The following ADAMTS17 variants were observed in gnomAD, a reference collection of about 807,000 sequenced individuals.
ADAMTS17 encodes A disintegrin and metalloproteinase with thrombospondin motifs 17.
ADAMTS17 carries 113 observed loss-of-function variants against 141.5 expected under a neutral mutation model. The observed-to-expected ratio is 0.80, with a 90% CI of 0.69 to 0.93. ADAMTS17 has a LOEUF of 0.93. Among genes scored for constraint, ADAMTS17 ranks in the 40% least tolerant of loss-of-function variants. ADAMTS17 has a pLI of 0.00. For missense variants in ADAMTS17, 1,659 were observed against 1,517.9 expected (o/e 1.09, Z -1.54); for synonymous variants, 768 against 630.6 (o/e 1.22, Z -3.27).
intron 7 of ADAMTS17, among the ~76,000 whole-genome samples, chr15:100,220,180 T>A (rs1330210732): frequency 6.6e-6 from 1 of 152,106 alleles, no homozygotes; most frequent in Non-Finnish European, 1.5e-5. Flanking sequence ...ACAGCAGACA[T>A]GTCGATGTCA....
At chr15:100,037,868 C>T (rs191221507) in intron 18 of ADAMTS17, among the ~76,000 whole-genome samples, 1 of 152,170 alleles carries the variant, frequency 6.6e-6, no homozygotes, top group African/African-American at 2.4e-5. Flanking sequence ...GCAGCCTCGA[C>T]CTCCCATTTC....
rs572976492 is a variant in ADAMTS17, at chr15:100,304,997, T to C, written c.617-23596A>G. On this transcript the variant is annotated intron_variant, in intron 3 of 21. Coordinates refer to ENST00000268070, the MANE Select transcript of ADAMTS17 (RefSeq NM_139057.4). ...TCTCTAGCTTACTATATTGAAAGAA[T>C]ACAGTATACAATACCCATTGTTTAT... Among the ~76,000 whole-genome samples the C allele has an allele frequency of 3.3e-5, 5 of 152,358 alleles. No homozygotes were observed. The East Asian group carries it at 9.6e-4, about 29-fold the overall frequency.
intron 18 of ADAMTS17, among the ~76,000 whole-genome samples, chr15:100,010,087 C>T (rs944687920): frequency 1.2e-4 from 19 of 152,332 alleles, no homozygotes; most frequent in African/African-American, 4.1e-4. Context: ...GGCAGTTCCC[C>T]GGCACATGCC....
chr15:100,077,281 C>CAAA (rs1491479490), intron 15 of ADAMTS17, among the ~76,000 whole-genome samples: 1 of 12,724 alleles, frequency 7.9e-5, no homozygotes, highest in African/African-American at 2.9e-4. Context: ...CTATCTCTAC[C>CAAA]ACAAAAAAAA....
intron 15 of ADAMTS17, among the ~76,000 whole-genome samples, chr15:100,087,371 A>G (rs1380871312): frequency 6.6e-6 from 1 of 152,238 alleles, no homozygotes; most frequent in African/African-American, 2.4e-5. Flanking sequence ...AAAAATGTCC[A>G]GGACCAGATG....
chr15:100,245,802 C>T (rs1384803297), intron 7 of ADAMTS17, among the ~76,000 whole-genome samples: 2 of 152,184 alleles, frequency 1.3e-5, no homozygotes, highest in African/African-American at 4.8e-5. Context: ...GATGGAGCCT[C>T]GCCAGGCCTT....
At chr15:100,332,542 C>G (rs12324075) in intron 2 of ADAMTS17, among the ~76,000 whole-genome samples, 1 of 152,112 alleles carries the variant, frequency 6.6e-6, no homozygotes, top group South Asian at 2.1e-4. Context: ...GGATCTAGCA[C>G]TTTCAAAGCT....
chr15:100,328,955 G>A (rs938250161), intron 3 of ADAMTS17, among the ~76,000 whole-genome samples: 1 of 152,112 alleles, frequency 6.6e-6, no homozygotes, highest in Admixed American at 6.5e-5. Context: ...CACTCCCGAT[G>A]GCCCACAGGT....
At chr15:100,212,014 C>T (rs2041824116) in intron 7 of ADAMTS17, among the ~76,000 whole-genome samples, 1 of 152,088 alleles carries the variant, frequency 6.6e-6, no homozygotes, top group East Asian at 1.9e-4. Context: ...GGCTGCATTT[C>T]CATGCTGTTG....
rs373760240 is a variant in ADAMTS17, at chr15:100,109,013, A to T, written c.1992T>A (p.Asp664Glu). The T allele has an allele frequency of 2.0e-5, 32 of 1,614,046 alleles. No individual in the cohort carries two copies. The African/African-American group carries it at 2.8e-4, about 14-fold the overall frequency. Residue 664 changes from aspartate to glutamate, a missense_variant, in exon 14 of 22, where the codon GAT (aspartate) becomes GAA (glutamate). Transcript: ENST00000268070. Reference sequence around the variant, plus strand: ...CCTGGCACTTGCCGTGCACGCAGAGATCAGTCTCGTAGGGCCCGCAGGGTG... The same window carrying T: ...CCTGGCACTTGCCGTGCACGCAGAGTTCAGTCTCGTAGGGCCCGCAGGGTG... ...DGTPCGPYETDLCVHGKCQKI... is the reference protein window; with the variant it reads ...DGTPCGPYETELCVHGKCQKI...
intron 12 of ADAMTS17, chr15:100,128,307 A>C (rs889335606): frequency 6.6e-6 from 1 of 152,192 alleles, no homozygotes. Context: ...GGCAAGGTTT[A>C]CTGAAGGCTT....
At chr15:100,281,756 G>A (rs993028267) in intron 3 of ADAMTS17, among the ~76,000 whole-genome samples, 5 of 152,268 alleles carry the variant, frequency 3.3e-5, no homozygotes, top group South Asian at 2.1e-4. Flanking sequence ...TGGACCCAGC[G>A]GGCAGGGGTC....
intron 7 of ADAMTS17, among the ~76,000 whole-genome samples, chr15:100,233,890 T>G (rs997694724): frequency 1.3e-5 from 2 of 151,644 alleles, no homozygotes; most frequent in Admixed American, 6.6e-5. Context: ...GGAAGAGAGG[T>G]TGGCAGGAGA....
At chr15:100,296,308 C>T (rs750673982) in intron 3 of ADAMTS17, among the ~76,000 whole-genome samples, 2 of 151,978 alleles carry the variant, frequency 1.3e-5, no homozygotes, top group Non-Finnish European at 2.9e-5. Context: ...AGAAAAATCA[C>T]CTTCTTAACT....
chr15:100,198,038 G>C (rs2041186554), intron 8 of ADAMTS17, among the ~76,000 whole-genome samples: 1 of 152,182 alleles, frequency 6.6e-6, no homozygotes, highest in Non-Finnish European at 1.5e-5. Context: ...TGGAGGACTA[G>C]GGGAAGGACA....
At chr15:100,148,147 A>G (rs2038996319) in intron 10 of ADAMTS17, among the ~76,000 whole-genome samples, 1 of 152,258 alleles carries the variant, frequency 6.6e-6, no homozygotes, top group South Asian at 2.1e-4. Context: ...ACTTAGCCAC[A>G]CTGGCAAAGT....
chr15:100,240,598 T>C (rs933092542), intron 7 of ADAMTS17, among the ~76,000 whole-genome samples: 4 of 152,202 alleles, frequency 2.6e-5, no homozygotes, highest in African/African-American at 9.6e-5. Flanking sequence ...GGAATCTACA[T>C]GACAAACTCA....
chr15:100,106,923 GC>G (rs892591554), intron 14 of ADAMTS17, among the ~76,000 whole-genome samples: 33 of 152,358 alleles, frequency 2.2e-4, no homozygotes, highest in African/African-American at 7.9e-4. Context: ...GCCAGGAGGG[GC>G]CAGCTCAACC....
At chr15:100,121,815 A>T (rs982919850) in intron 12 of ADAMTS17, among the ~76,000 whole-genome samples, 15 of 151,858 alleles carry the variant, frequency 9.9e-5, no homozygotes, top group African/African-American at 3.1e-4. Flanking sequence ...GTGGCCTGTG[A>T]TGCATTCCAC....
Sources: allele counts gnomAD v4.1 joint callset (sites outside exome capture counted in the v4.1 genomes callset), GRCh38; gene constraint gnomAD v4.1.1; transcripts MANE v1.5; gene names NCBI Gene and HGNC (gene_info 2026-07-23, HGNC 2026-07-21).